The following CORO1C variants were observed in gnomAD, a reference collection of about 807,000 sequenced individuals.
CORO1C encodes coronin 1C, also known as coronin-1C.
A neutral mutation model predicts 51.2 loss-of-function variants in CORO1C; 14 were observed. The ratio of observed to expected loss-of-function variants is 0.27; its 90% CI spans 0.18 to 0.43. The LOEUF (loss-of-function observed/expected upper bound fraction) is 0.43, where lower values mean the gene tolerates loss of function less well. Ranked by LOEUF, CORO1C falls within the 20% of genes least tolerant of loss-of-function variation. The probability of loss-of-function intolerance (pLI) is 1.00; values close to 1 mark genes in which losing one functional copy is unlikely to be tolerated. For missense variants in CORO1C, 417 were observed against 607.8 expected (o/e 0.69, Z 3.30); for synonymous variants, 181 against 210.5 (o/e 0.86, Z 1.21).
At chr12:108,696,098 C>G (rs562063475) in intron 2 of CORO1C, among the ~76,000 whole-genome samples, 1 of 152,156 alleles carries the variant, frequency 6.6e-6, no homozygotes, top group East Asian at 1.9e-4. Flanking sequence ...AGATCATGAC[C>G]CAAAAAGCTA....
chr12:108,656,449 G>C (rs1399921134), intron 6 of CORO1C, among the ~76,000 whole-genome samples: 9 of 150,236 alleles, frequency 6.0e-5, no homozygotes, highest in East Asian at 2.0e-4. Flanking sequence ...GCCTCCACCC[G>C]GCCACCACCC....
At chr12:108,704,821 G>A (rs1014398037) in intron 1 of CORO1C, among the ~76,000 whole-genome samples, 29 of 152,164 alleles carry the variant, frequency 1.9e-4, no homozygotes, top group African/African-American at 7.0e-4. Context: ...AGACAGCCTC[G>A]TAAGTGAGAA....
chr12:108,690,588 A>G (rs895959896), intron 2 of CORO1C, among the ~76,000 whole-genome samples: 6 of 152,252 alleles, frequency 3.9e-5, no homozygotes, highest in Non-Finnish European at 8.8e-5. Context: ...AAAACACGGA[A>G]AAGTTAACAT....
At chr12:108,709,990 T>C (rs1388223586) in intron 1 of CORO1C, among the ~76,000 whole-genome samples, 1 of 152,238 alleles carries the variant, frequency 6.6e-6, no homozygotes, top group Non-Finnish European at 1.5e-5. Flanking sequence ...TTTACAAGTT[T>C]CAAAATAAAC....
chr12:108,670,772 A>T (rs945342764), intron 3 of CORO1C, among the ~76,000 whole-genome samples: 4 of 152,138 alleles, frequency 2.6e-5, no homozygotes, highest in Non-Finnish European at 5.9e-5. Flanking sequence ...ACAATATAAG[A>T]CTGCTAAAAA....
chr12:108,657,477 G>C, intron 5 of CORO1C, 54 bp from the exon 6 acceptor site: 1 of 1,592,382 alleles, frequency 6.3e-7, no homozygotes, highest in East Asian at 2.3e-5. Flanking sequence ...GACAAGGTGA[G>C]TGGAGAAACT....
chr12:108,659,974 C>T (rs1319586086), intron 4 of CORO1C, among the ~76,000 whole-genome samples: 1 of 152,222 alleles, frequency 6.6e-6, no homozygotes, highest in Non-Finnish European at 1.5e-5. Flanking sequence ...CAAGGGTCTG[C>T]CCCACGCCTC....
chr12:108,652,772 CA>C (rs892510429), intron 7 of CORO1C, among the ~76,000 whole-genome samples: 5 of 147,854 alleles, frequency 3.4e-5, no homozygotes, highest in African/African-American at 1.0e-4. Context: ...AACAAACAAA[CA>C]AAGACTAAGA....
intron 5 of CORO1C, among the ~76,000 whole-genome samples, chr12:108,657,992 A>G (rs184768951): frequency 2.6e-5 from 4 of 152,322 alleles, no homozygotes; most frequent in Admixed American, 2.6e-4. Flanking sequence ...CAGCCAAAGA[A>G]CAACCACATC....
At chr12:108,717,203 A>G (rs777198441) in intron 1 of CORO1C, among the ~76,000 whole-genome samples, 9 of 152,248 alleles carry the variant, frequency 5.9e-5, no homozygotes, top group Non-Finnish European at 8.8e-5. Context: ...GGGAGGAACA[A>G]CAAAATATCA....
intron 1 of CORO1C, among the ~76,000 whole-genome samples, chr12:108,705,366 A>G (rs183544918): frequency 2.0e-5 from 3 of 151,480 alleles, no homozygotes; most frequent in East Asian, 3.9e-4. Flanking sequence ...AGGCTGAGGC[A>G]TAAGAATTGC....
At chr12:108,721,647 T>C (rs1479513046) in intron 1 of CORO1C, among the ~76,000 whole-genome samples, 1 of 152,196 alleles carries the variant, frequency 6.6e-6, no homozygotes, top group Non-Finnish European at 1.5e-5. Context: ...TGAAAAGAGT[T>C]CTTTGAAACC....
At chr12:108,701,047 G>C (rs1464049996) in intron 2 of CORO1C, 77 bp downstream of exon 2, 1 of 1,472,210 alleles carries the variant, frequency 6.8e-7, no homozygotes, top group Non-Finnish European at 9.5e-7. Flanking sequence ...AATTCTTAGT[G>C]AACTGTCAAT....
intron 10 of CORO1C, among the ~76,000 whole-genome samples, chr12:108,647,999 TTC>T (rs1393524695): frequency 2.6e-5 from 4 of 152,118 alleles, no homozygotes; most frequent in African/African-American, 7.2e-5. Flanking sequence ...TGTCCACTCC[TTC>T]TCTCTTACCC....
At chr12:108,697,426 G>A (rs1434615839) in intron 2 of CORO1C, among the ~76,000 whole-genome samples, 1 of 152,156 alleles carries the variant, frequency 6.6e-6, no homozygotes. Context: ...CTATCAACAT[G>A]TATTGGAGCC....
At chr12:108,693,619 G>T (rs2034570647) in intron 2 of CORO1C, among the ~76,000 whole-genome samples, 4 of 152,154 alleles carry the variant, frequency 2.6e-5, no homozygotes, top group Admixed American at 2.6e-4. Flanking sequence ...GACTCATAAT[G>T]TTAGTTCACA....
intron 3 of CORO1C, among the ~76,000 whole-genome samples, chr12:108,671,171 C>T (rs116796652): frequency 0.025 from 3,759 of 151,442 alleles, 168 homozygotes; most frequent in African/African-American, 0.087. Context: ...CTCGTCTCTA[C>T]AAAAAAAATA....
chr12:108,694,279 CAAAAAAAAAA>C (rs60647143), intron 2 of CORO1C, among the ~76,000 whole-genome samples: 1 of 66,228 alleles, frequency 1.5e-5, no homozygotes, highest in Non-Finnish European at 2.7e-5. Flanking sequence ...AAGACTGTCT[CAAAAAAAAAA>C]AAAAAAAAAA....
Position 108,657,305 on chromosome 12 carries a change from G to C in CORO1C, c.749C>G (p.Pro250Arg). The C allele has an allele frequency of 6.2e-7, 1 of 1,613,728 alleles. No homozygotes were observed. Among genetic ancestry groups the C allele is most frequent in the Non-Finnish European group, 8.5e-7 (1 of 1,179,778 alleles). Residue 250 changes from proline (P) to arginine (R), a missense_variant and splice_region_variant, in exon 6 of 11, where the codon CCG becomes CGG. Coordinates refer to ENST00000261401, the MANE Select transcript of CORO1C (RefSeq NM_014325.4). Reference protein sequence around the residue: ...MSERQLALWNPKNMQEPIALH... With the variant: ...MSERQLALWNRKNMQEPIALH... ...GTGGAAAGCCTGGGGAGGGCGTACC[G>C]GATTCCAGAGAGCCAGCTGCCGCTC...
Sources: allele counts gnomAD v4.1 joint callset (sites outside exome capture counted in the v4.1 genomes callset), GRCh38; gene constraint gnomAD v4.1.1; transcripts MANE v1.5; gene names NCBI Gene and HGNC (gene_info 2026-07-23, HGNC 2026-07-21).